Variants in SPRR3 observed in about 807,000 individuals in gnomAD.
SPRR3 encodes small proline-rich protein 3.
For synonymous variants in SPRR3, 58 were observed against 72.3 expected (o/e 0.80, Z 1.01); for missense variants, 183 against 200.3 (o/e 0.91, Z 0.52).
intron 1 of SPRR3, 120 bp from the exon 2 acceptor site, chr1:153,002,882 G>C: frequency 1.8e-6 from 2 of 1,114,928 alleles, no homozygotes; most frequent in Non-Finnish European, 2.5e-6. Context: ...CAAATTCAGG[G>C]AAAAAGAAAG....
At chr1:153,002,380 G>A (rs1453008203) in intron 1 of SPRR3, 1 of 152,540 alleles carries the variant, frequency 6.6e-6, no homozygotes, top group Non-Finnish European at 1.5e-5. Context: ...GAGCCTTAGG[G>A]GGAAGTTTAG....
chr1:153,003,127 C>T lies in SPRR3; in HGVS notation c.107C>T (p.Thr36Ile), dbSNP rs1021817164. Residue 36 changes from threonine (T) to isoleucine (I), a missense_variant, in exon 2 of 2, where the codon ACA becomes ATA. Transcript: ENST00000295367. ...QPPPQEIFVPTTKEPCHSKVP... is the reference protein window; with the variant it reads ...QPPPQEIFVPITKEPCHSKVP... ...CCACCTCAGGAAATATTTGTTCCCACAACCAAGGAGCCATGCCACTCAAAG... is the reference window on the plus strand; with the variant it reads ...CCACCTCAGGAAATATTTGTTCCCATAACCAAGGAGCCATGCCACTCAAAG... The T allele has an allele frequency of 6.2e-7, 1 of 1,614,018 alleles. No homozygotes were observed. Among genetic ancestry groups the T allele is most frequent in the Non-Finnish European group, 8.5e-7 (1 of 1,180,040 alleles).
Position 153,003,544 on chromosome 1 carries a change from C to T in SPRR3, c.*14C>T, listed in dbSNP as rs199611181. 3.0e-5 allele frequency: 48 copies of T among 1,611,540 alleles called. No individual in the cohort carries two copies. The highest frequency in any genetic ancestry group is 1.7e-4 in the Middle Eastern group (1 of 6,048). ...AAGCAGAAGTAATTTGGTGCACAGA[C>T]AAGCCCTTGAGAAGCCAACCACCAG... On this transcript the variant is annotated 3_prime_UTR_variant, in exon 2 of 2. Coordinates refer to ENST00000295367, the MANE Select transcript of SPRR3 (RefSeq NM_001097589.2).
Position 153,003,429 on chromosome 1 carries a change from G to C in SPRR3, c.409G>C (p.Gly137Arg). The C allele has an allele frequency of 6.2e-7, 1 of 1,614,068 alleles. No individual in the cohort carries two copies. Among genetic ancestry groups the C allele is most frequent in the Non-Finnish European group, 8.5e-7 (1 of 1,180,010 alleles). The change falls in exon 2 of 2, where the codon GGA becomes CGA. Residue 137 changes from glycine to arginine, a missense_variant. Coordinates refer to ENST00000295367, the MANE Select transcript of SPRR3 (RefSeq NM_001097589.2). ...EPGAIKVPEQGYTKVPVPGYT... is the reference protein window; with the variant it reads ...EPGAIKVPEQRYTKVPVPGYT... ...AGGTGCCATCAAAGTTCCTGAGCAAGGATACACCAAAGTTCCTGTGCCAGG... is the reference window on the plus strand; with the variant it reads ...AGGTGCCATCAAAGTTCCTGAGCAACGATACACCAAAGTTCCTGTGCCAGG...
intron 1 of SPRR3, chr1:153,002,109 TAA>T (rs1441149948): frequency 2.0e-5 from 3 of 152,268 alleles, no homozygotes; most frequent in African/African-American, 7.2e-5. Flanking sequence ...GATCAAAAGA[TAA>T]GTTTTTCTTT....
chr1:153,002,560 G>T, intron 1 of SPRR3: 1 of 176,358 alleles, frequency 5.7e-6, no homozygotes, highest in Non-Finnish European at 1.2e-5. Context: ...ATTTAATCAG[G>T]GAAGAGCAAG....
Position 153,003,129 on chromosome 1 carries a change from A to G in SPRR3, c.109A>G (p.Thr37Ala), listed in dbSNP as rs1652831242. The G allele has an allele frequency of 1.2e-6, 2 of 1,613,966 alleles. No homozygotes were observed. The highest frequency in any genetic ancestry group is 1.3e-5 in the African/African-American group (1 of 74,910). Reference sequence around the variant, plus strand: ...ACCTCAGGAAATATTTGTTCCCACAACCAAGGAGCCATGCCACTCAAAGGT... The same window carrying G: ...ACCTCAGGAAATATTTGTTCCCACAGCCAAGGAGCCATGCCACTCAAAGGT... The part of the protein sequence containing the change: ...PPPQEIFVPT[T>A]KEPCHSKVPQ... The change falls in exon 2 of 2, where the codon ACC (threonine) becomes GCC (alanine). Residue 37 changes from threonine (T) to alanine (A), a missense_variant. Physicochemically the swap from Thr to Ala is moderately conservative, Grantham distance 58 (BLOSUM62 0). Transcript: ENST00000295367.
rs577210346 is a variant in SPRR3 at position 153,003,743 on chromosome 1, C to A, written c.*213C>A. Reference sequence around the variant, plus strand: ...GAATCCTGTAAGCCCCTGAATTAAGCAGAAAGTCTTCATGGCTTTTCTGGT... The same window carrying A: ...GAATCCTGTAAGCCCCTGAATTAAGAAGAAAGTCTTCATGGCTTTTCTGGT... On this transcript the variant is annotated 3_prime_UTR_variant, in exon 2 of 2. Coordinates refer to ENST00000295367, the MANE Select transcript of SPRR3 (RefSeq NM_001097589.2). 2 of 710,338 alleles carry A rather than the reference C, an allele frequency of 2.8e-6. No individual in the cohort carries two copies. Among genetic ancestry groups the A allele is most frequent in the East Asian group, 2.8e-5 (1 of 35,920 alleles). The allele number at this position is 710,338 out of a possible 1,614,324, so 44.0% of individuals were successfully genotyped here.
Position 153,003,310 on chromosome 1 carries a change from G to T in SPRR3, c.290G>T (p.Gly97Val), listed in dbSNP as rs1485802922. 1 of 1,607,606 alleles carries T rather than the reference G, an allele frequency of 6.2e-7. No homozygotes were observed. Among genetic ancestry groups the T allele is most frequent in the Non-Finnish European group, 8.5e-7 (1 of 1,176,714 alleles). The change falls in exon 2 of 2, where the codon GGT becomes GTT. Residue 97 changes from glycine (G) to valine (V), a missense_variant. Gly to Val is a moderately radical substitution (Grantham distance 109). Transcript: ENST00000295367. ...GGCTGTACCAAGGTCCCTGAGCCAGGTTGTACCAAGGTCCCTGAGCCAGGC... is the reference window on the plus strand; with the variant it reads ...GGCTGTACCAAGGTCCCTGAGCCAGTTTGTACCAAGGTCCCTGAGCCAGGC... ...EPGCTKVPEP[G>V]CTKVPEPGYT... is the part of the protein sequence containing the mutation.
At chr1:153,002,544 A>C (rs577515077) in intron 1 of SPRR3, 62 of 167,362 alleles carry the variant, frequency 3.7e-4, no homozygotes, top group Non-Finnish European at 6.6e-4. Flanking sequence ...AGTGGTATTA[A>C]AAGTGATTTA....
At chr1:153,002,823 C>T (rs938800550) in intron 1 of SPRR3, 179 bp from the exon 2 acceptor site, 10 of 681,316 alleles carry the variant, frequency 1.5e-5, no homozygotes, top group Non-Finnish European at 2.4e-5. Flanking sequence ...ATCAACTTTA[C>T]CTTATTCTCT....
At position 153,003,408 on chromosome 1, in the gene SPRR3, G is replaced by T. The variant is rs1652873057; in HGVS notation, c.388G>T (p.Ala130Ser). Residue 130 changes from alanine (A) to serine (S), a missense_variant, in exon 2 of 2, where the codon GCC (alanine) becomes TCC (serine). Coordinates refer to ENST00000295367, the MANE Select transcript of SPRR3 (RefSeq NM_001097589.2). Reference protein sequence around the residue: ...QGFIKFPEPGAIKVPEQGYTK... With the variant: ...QGFIKFPEPGSIKVPEQGYTK... ...CTTCATCAAGTTTCCTGAGCCAGGT[G>T]CCATCAAAGTTCCTGAGCAAGGATA... The T allele has an allele frequency of 6.2e-7, 1 of 1,613,902 alleles. No homozygotes were observed. Among genetic ancestry groups the T allele is most frequent in the African/African-American group, 1.3e-5 (1 of 74,890 alleles).
chr1:153,001,906 G>C (rs926677810), intron 1 of SPRR3, 113 bp downstream of exon 1: 1 of 152,106 alleles, frequency 6.6e-6, no homozygotes, highest in African/African-American at 2.4e-5. Flanking sequence ...AACGACTTTT[G>C]TTTAAGGTGA....
In SPRR3 at chr1:153,003,752, T is replaced by C. The variant is rs1259644424; in HGVS notation, c.*222T>C. 1 of 650,844 alleles carries C rather than the reference T, an allele frequency of 1.5e-6. No homozygotes were observed. Among genetic ancestry groups the C allele is most frequent in the Non-Finnish European group, 2.6e-6 (1 of 388,658 alleles). The allele number at this position is 650,844 out of a possible 1,614,324, so 40.3% of individuals were successfully genotyped here. Reference sequence around the variant, plus strand: ...AAGCCCCTGAATTAAGCAGAAAGTCTTCATGGCTTTTCTGGTCTTCGGCTG... The same window carrying C: ...AAGCCCCTGAATTAAGCAGAAAGTCCTCATGGCTTTTCTGGTCTTCGGCTG... On this transcript the variant is annotated 3_prime_UTR_variant, in exon 2 of 2. Coordinates refer to ENST00000295367, the MANE Select transcript of SPRR3 (RefSeq NM_001097589.2).
At position 153,003,087 on chromosome 1, in the gene SPRR3, C is replaced by T; in HGVS notation, c.67C>T (p.Gln23Ter). ...TCAGCTTCAACAGCAGCAGGTGAAACAACCCAGCCAGCCTCCACCTCAGGA... is the reference window on the plus strand; with the variant it reads ...TCAGCTTCAACAGCAGCAGGTGAAATAACCCAGCCAGCCTCCACCTCAGGA... ...PPQLQQQQVK[Q>*]PSQPPPQEIF... Residue 23 changes from glutamine (Q) to a stop codon, truncating the protein, a stop_gained, in exon 2 of 2, where the codon CAA becomes TAA. Coordinates refer to ENST00000295367, the MANE Select transcript of SPRR3 (RefSeq NM_001097589.2). LOFTEE classifies it low-confidence loss of function (END_TRUNC). 1 of 1,614,168 alleles carries T rather than the reference C, an allele frequency of 6.2e-7. No homozygotes were observed. Among genetic ancestry groups the T allele is most frequent in the Non-Finnish European group, 8.5e-7 (1 of 1,180,022 alleles).
rs1652836254 is a variant in SPRR3, at chr1:153,003,190, G to T, written c.170G>T (p.Gly57Val). 1.3e-6 allele frequency: 2 copies of T among 1,524,864 alleles called. 1 individual carries two copies. Among genetic ancestry groups the T allele is most frequent in the East Asian group, 5.3e-5 (2 of 37,592 alleles). 94.5% of individuals were successfully genotyped at this position (1,524,864 alleles called of 1,614,324 possible). ...QPGNTKIPEPGCTKVPEPGCT... is the reference protein window; with the variant it reads ...QPGNTKIPEPVCTKVPEPGCT... ...GGAAACACAAAGATTCCAGAGCCAGGCTGTACCAAGGTCCCTGAGCCAGGC... is the reference window on the plus strand; with the variant it reads ...GGAAACACAAAGATTCCAGAGCCAGTCTGTACCAAGGTCCCTGAGCCAGGC... Residue 57 changes from glycine (G) to valine (V), a missense_variant, in exon 2 of 2, where the codon GGC (glycine) becomes GTC (valine). Coordinates refer to ENST00000295367, the MANE Select transcript of SPRR3 (RefSeq NM_001097589.2).
intron 1 of SPRR3, chr1:153,002,452 A>G: frequency 2.5e-5 from 4 of 158,332 alleles, no homozygotes; most frequent in South Asian, 1.8e-4. Flanking sequence ...AGTAGATTCT[A>G]GACTGCTGAC....
chr1:153,003,544 C>G lies in SPRR3; in HGVS notation c.*14C>G, dbSNP rs199611181. 1.2e-6 allele frequency: 2 copies of G among 1,611,422 alleles called. No homozygotes were observed. The highest frequency in any genetic ancestry group is 1.7e-6 in the Non-Finnish European group (2 of 1,178,064). On this transcript the variant is annotated 3_prime_UTR_variant, in exon 2 of 2. Coordinates refer to ENST00000295367, the MANE Select transcript of SPRR3 (RefSeq NM_001097589.2). ...AAGCAGAAGTAATTTGGTGCACAGACAAGCCCTTGAGAAGCCAACCACCAG... is the reference window on the plus strand; with the variant it reads ...AAGCAGAAGTAATTTGGTGCACAGAGAAGCCCTTGAGAAGCCAACCACCAG...
Position 153,003,571 on chromosome 1 carries a change from T to G in SPRR3, c.*41T>G. The G allele has an allele frequency of 1.2e-6, 2 of 1,603,952 alleles. No individual in the cohort carries two copies. Among genetic ancestry groups the G allele is most frequent in the African/African-American group, 2.7e-5 (2 of 74,800 alleles). ...AGCCCTTGAGAAGCCAACCACCAGATGCTGGACACCCTCTTCCCATCTGTT... is the reference window on the plus strand; with the variant it reads ...AGCCCTTGAGAAGCCAACCACCAGAGGCTGGACACCCTCTTCCCATCTGTT... On this transcript the variant is annotated 3_prime_UTR_variant, in exon 2 of 2. Coordinates refer to ENST00000295367, the MANE Select transcript of SPRR3 (RefSeq NM_001097589.2).
Sources: gnomAD v4.1 joint callset for allele counts on GRCh38, gnomAD v4.1.1 for gene constraint, MANE v1.5 for transcripts, NCBI Gene and HGNC (gene_info 2026-07-23, HGNC 2026-07-21) for gene names.